The following SUFU variants were observed in gnomAD, a reference collection of about 807,000 sequenced individuals.
SUFU encodes suppressor of fused homolog.
In SUFU, 7 loss-of-function variants were observed where a neutral mutation model predicts 58.9. The ratio of observed to expected loss-of-function variants is 0.12; its 90% CI spans 0.07 to 0.22. The LOEUF is 0.22. SUFU is among the 10% of genes least tolerant of loss of function. The pLI, the probability that SUFU is intolerant of heterozygous loss-of-function variation, is 1.00. For missense variants in SUFU, 451 were observed against 641.3 expected, an observed-to-expected ratio of 0.70 and a Z score of 3.20; for synonymous variants, 232 against 254.8, an observed-to-expected ratio of 0.91 and a Z score of 0.85.
At position 102,629,956 on chromosome 10, in the gene SUFU, G is replaced by C. The variant is rs924082230; in HGVS notation, c.1366-110G>C. On this transcript the variant is annotated intron_variant, in intron 11 of 11. Coordinates refer to ENST00000369902, the MANE Select transcript of SUFU (RefSeq NM_016169.4). The surrounding 1 kb of genome is among the most constrained non-coding windows in gnomAD (Gnocchi z 4.7). ...TGAGAATGAAGCCACGCCTCCCGCG[G>C]CCTGTCCTATCCCTAGCTCCCCGGG... The C allele has an allele frequency of 4.9e-6, 5 of 1,022,370 alleles. No individual in the cohort carries two copies. Among genetic ancestry groups the C allele is most frequent in the Non-Finnish European group, 7.8e-6 (5 of 641,168 alleles). 63.3% of individuals were successfully genotyped at this position (1,022,370 alleles called of 1,614,324 possible).
intron 3 of SUFU, among the ~76,000 whole-genome samples, chr10:102,584,599 A>G (rs2063317954): frequency 6.6e-6 from 1 of 152,236 alleles, no homozygotes; most frequent in Admixed American, 6.5e-5. Flanking sequence ...GTAGGCAACA[A>G]TATCAGTTAG....
chr10:102,568,921 CACATATATATATATAT>C (rs1241403292), intron 3 of SUFU, among the ~76,000 whole-genome samples: 2 of 9,544 alleles, frequency 2.1e-4, no homozygotes, highest in Non-Finnish European at 3.8e-4. Flanking sequence ...TATATATATA[CACATATATATATATAT>C]ATATATATAT....
At chr10:102,523,715 G>C (rs530003921) in intron 2 of SUFU, among the ~76,000 whole-genome samples, 17 of 152,296 alleles carry the variant, frequency 1.1e-4, no homozygotes, top group African/African-American at 4.1e-4. Context: ...GTAGATAAAA[G>C]GCCCAGAAGG....
At chr10:102,561,070 T>C (rs957284839) in intron 3 of SUFU, among the ~76,000 whole-genome samples, 2 of 152,216 alleles carry the variant, frequency 1.3e-5, no homozygotes, top group Admixed American at 1.3e-4. Context: ...CTCGAACTCC[T>C]GACCTCAGGT....
At chr10:102,580,601 T>C (rs2135829105) in intron 3 of SUFU, among the ~76,000 whole-genome samples, 1 of 152,252 alleles carries the variant, frequency 6.6e-6, no homozygotes, top group Middle Eastern at 3.4e-3. Flanking sequence ...AAAGTCAGTG[T>C]TGATCAGACA....
At chr10:102,600,584 A>T (rs2063506075) in intron 8 of SUFU, among the ~76,000 whole-genome samples, 1 of 152,186 alleles carries the variant, frequency 6.6e-6, no homozygotes. Flanking sequence ...TCAGTGCACT[A>T]CAGAAAAGAC....
intron 3 of SUFU, among the ~76,000 whole-genome samples, chr10:102,575,880 C>G (rs946419243): frequency 1.3e-5 from 2 of 152,062 alleles, no homozygotes; most frequent in Non-Finnish European, 2.9e-5. Flanking sequence ...CTCTGTTGGC[C>G]AGGCTGGAGT....
intron 3 of SUFU, among the ~76,000 whole-genome samples, chr10:102,583,227 A>G (rs2063300977): frequency 6.6e-6 from 1 of 152,186 alleles, no homozygotes; most frequent in Admixed American, 6.5e-5. Context: ...AAGAAAGACC[A>G]TTTCTTGTCC....
intron 3 of SUFU, among the ~76,000 whole-genome samples, chr10:102,558,100 C>T (rs1478319996): frequency 6.6e-6 from 1 of 152,108 alleles, no homozygotes; most frequent in East Asian, 1.9e-4. Context: ...CAGGGTTTCA[C>T]CATGTTGGCC....
At chr10:102,562,094 A>C (rs2063043775) in intron 3 of SUFU, among the ~76,000 whole-genome samples, 2 of 152,184 alleles carry the variant, frequency 1.3e-5, no homozygotes, top group South Asian at 4.1e-4. Context: ...AGACTTTTCC[A>C]GATATTGACA....
chr10:102,601,086 A>G lies in SUFU; in HGVS notation c.1022+1542A>G, dbSNP rs141615358. 4.4e-3 allele frequency among the ~76,000 whole-genome samples: 677 copies of G among 152,316 alleles called. 7 individuals carry two copies. The highest frequency in any genetic ancestry group is 0.016 in the African/African-American group (645 of 41,558). The stretch of plus-strand genomic sequence containing the variant: ...CTGTTGGCAGGCCAGAGGTACTGGA[A>G]GGCCTATAACATGGACACAGTCTCA... On this transcript the variant is annotated intron_variant, in intron 8 of 11. Coordinates refer to ENST00000369902, the MANE Select transcript of SUFU (RefSeq NM_016169.4).
intron 1 of SUFU, among the ~76,000 whole-genome samples, chr10:102,506,477 C>T (rs12257883): frequency 0.043 from 6,609 of 152,218 alleles, 463 homozygotes; most frequent in African/African-American, 0.15. Flanking sequence ...CTCCCGGTTT[C>T]AAGCGATTCT....
intron 2 of SUFU, among the ~76,000 whole-genome samples, chr10:102,532,055 C>A (rs570716281): frequency 1.3e-5 from 2 of 151,980 alleles, no homozygotes; most frequent in African/African-American, 2.4e-5. Context: ...CTCTGCCTCC[C>A]GAGTTCAAGC....
intron 3 of SUFU, among the ~76,000 whole-genome samples, chr10:102,558,153 T>C (rs1262529479): frequency 6.6e-6 from 1 of 152,170 alleles, no homozygotes; most frequent in Non-Finnish European, 1.5e-5. Context: ...CCACCCGCCA[T>C]GGCCTCCCAA....
Position 102,630,936 on chromosome 10 carries a change from G to C in SUFU, c.*781G>C, listed in dbSNP as rs2063832460. The C allele has an allele frequency of 1.3e-5, 3 of 234,304 alleles. No individual in the cohort carries two copies. Among genetic ancestry groups the C allele is most frequent in the Admixed American group, 5.6e-5 (1 of 17,920 alleles). 14.5% of individuals were successfully genotyped at this position (234,304 alleles called of 1,614,324 possible). On this transcript the variant is annotated 3_prime_UTR_variant, in exon 12 of 12. Transcript: ENST00000369902. Reference sequence around the variant, plus strand: ...AGGGGGAGAGTAGAGACACTCCCTTGTGCAGCTTTGAGCCTAGTTTAGCTG... The same window carrying C: ...AGGGGGAGAGTAGAGACACTCCCTTCTGCAGCTTTGAGCCTAGTTTAGCTG...
At chr10:102,510,267 T>C (rs1204096970) in intron 2 of SUFU, among the ~76,000 whole-genome samples, 1 of 152,084 alleles carries the variant, frequency 6.6e-6, no homozygotes, top group Non-Finnish European at 1.5e-5. Flanking sequence ...TGGAGTGCAG[T>C]GGGGTGATCT....
intron 3 of SUFU, among the ~76,000 whole-genome samples, chr10:102,558,926 A>G (rs2063008231): frequency 6.6e-6 from 1 of 152,218 alleles, no homozygotes; most frequent in South Asian, 2.1e-4. Flanking sequence ...GTGGCCTAAC[A>G]ATAAGGGCAC....
chr10:102,508,488 G>C (rs1471255342), intron 1 of SUFU, among the ~76,000 whole-genome samples: 1 of 152,152 alleles, frequency 6.6e-6, no homozygotes, highest in Non-Finnish European at 1.5e-5. Flanking sequence ...TCTGGGTGCA[G>C]ATGCTCACAG....
intron 3 of SUFU, among the ~76,000 whole-genome samples, chr10:102,557,676 C>T (rs1195802977): frequency 6.6e-6 from 1 of 152,096 alleles, no homozygotes; most frequent in African/African-American, 2.4e-5. Context: ...GTGACTGGGA[C>T]AACAAGGGTT....
Sources: gnomAD v4.1 joint callset for allele counts (sites outside exome capture counted in the v4.1 genomes callset) on GRCh38, gnomAD v4.1.1 for gene constraint, Gnocchi (gnomAD v3.1) non-coding constraint, MANE v1.5 for transcripts, NCBI Gene and HGNC (gene_info 2026-07-23, HGNC 2026-07-21) for gene names.